The following ASIC2 variants were observed in gnomAD, a reference collection of about 807,000 sequenced individuals.
The protein encoded by ASIC2 is acid sensing ion channel subunit 2.
A neutral mutation model predicts 57.3 loss-of-function variants in ASIC2; 25 were observed. The ratio of observed to expected loss-of-function variants is 0.44; its 90% CI spans 0.32 to 0.61. The LOEUF (loss-of-function observed/expected upper bound fraction) is 0.61, where lower values mean the gene tolerates loss of function less well. Among genes scored for constraint, ASIC2 ranks in the 20% least tolerant of loss-of-function variants. The probability of loss-of-function intolerance (pLI) is 0.06; values close to 1 mark genes in which losing one functional copy is unlikely to be tolerated. For missense variants in ASIC2, 641 were observed against 738.1 expected, an observed-to-expected ratio of 0.87 and a Z score of 1.52; for synonymous variants, 319 against 307.5, an observed-to-expected ratio of 1.04 and a Z score of -0.39.
At chr17:33,443,708 G>A (rs1023417412) in intron 1 of ASIC2, among the ~76,000 whole-genome samples, 2 of 151,686 alleles carry the variant, frequency 1.3e-5, no homozygotes, top group African/African-American at 4.8e-5. Flanking sequence ...GAGCCACCGC[G>A]CCCGGCCGGA....
At chr17:33,731,768 A>G (rs1909749548) in intron 1 of ASIC2, among the ~76,000 whole-genome samples, 1 of 152,218 alleles carries the variant, frequency 6.6e-6, no homozygotes, top group Non-Finnish European at 1.5e-5. Flanking sequence ...GGAATCCTGG[A>G]TAGCTGGATG....
Position 33,292,726 on chromosome 17 carries a change from CG to C in ASIC2, c.-612del. ...GCTGGGCGGGCGGGGTGGGTGTGTA[CG>C]GGGGTGAGTGGTCGCCTTGCCGGCT... On this transcript the variant is annotated 5_prime_UTR_variant, in exon 1 of 10. Transcript: ENST00000225823. 1 of 985,898 alleles carries C rather than the reference CG, an allele frequency of 1.0e-6. No homozygotes were observed. Among genetic ancestry groups the C allele is most frequent in the Non-Finnish European group, 1.2e-6 (1 of 830,444 alleles). 61.1% of individuals were successfully genotyped at this position (985,898 alleles called of 1,614,324 possible).
At chr17:33,548,268 C>T (rs915219517) in intron 1 of ASIC2, among the ~76,000 whole-genome samples, 22 of 152,142 alleles carry the variant, frequency 1.4e-4, no homozygotes, top group Non-Finnish European at 2.9e-5. Context: ...TGGAATACTT[C>T]ACAGGAAGAC....
intron 1 of ASIC2, among the ~76,000 whole-genome samples, chr17:33,344,517 G>A (rs1431658804): frequency 1.3e-5 from 2 of 152,138 alleles, no homozygotes; most frequent in Non-Finnish European, 2.9e-5. Context: ...TCCTGACCTG[G>A]CCACTTACCA....
intron 1 of ASIC2, among the ~76,000 whole-genome samples, chr17:33,622,618 C>G (rs1389174915): frequency 2.0e-5 from 3 of 152,108 alleles, no homozygotes; most frequent in African/African-American, 7.2e-5. Flanking sequence ...TTTCTCATAT[C>G]TAGGTACATT....
chr17:33,944,095 G>A (rs1039464952), intron 1 of ASIC2, among the ~76,000 whole-genome samples: 2 of 152,094 alleles, frequency 1.3e-5, no homozygotes, highest in Non-Finnish European at 2.9e-5. Context: ...GATCACTCAG[G>A]TGGTATCACA....
intron 1 of ASIC2, among the ~76,000 whole-genome samples, chr17:33,816,964 C>T (rs924585623): frequency 2.0e-5 from 3 of 152,220 alleles, no homozygotes; most frequent in African/African-American, 4.8e-5. Flanking sequence ...CAGGGTCTGC[C>T]GCCTGCCTGC....
chr17:33,521,953 G>A (rs1377173481), intron 1 of ASIC2, among the ~76,000 whole-genome samples: 1 of 152,204 alleles, frequency 6.6e-6, no homozygotes, highest in Admixed American at 6.5e-5. Context: ...TGGCAACTGC[G>A]GGCAGTGTGG....
intron 1 of ASIC2, among the ~76,000 whole-genome samples, chr17:33,957,791 T>G (rs1904783668): frequency 6.6e-6 from 1 of 152,066 alleles, no homozygotes; most frequent in African/African-American, 2.4e-5. Context: ...AATCATGCCT[T>G]CCCAACAGTC....
At chr17:33,264,897 G>A (rs1291632512) in intron 1 of ASIC2, among the ~76,000 whole-genome samples, 1 of 152,232 alleles carries the variant, frequency 6.6e-6, no homozygotes, top group Non-Finnish European at 1.5e-5. Flanking sequence ...TGTGTTGGGG[G>A]AAAACAAATA....
rs193168323 is a variant in ASIC2 at position 33,695,159 on chromosome 17, A to G, written c.555+460819T>C. Among the ~76,000 whole-genome samples, 273 of 152,360 alleles carry G rather than the reference A, an allele frequency of 1.8e-3. 3 individuals are homozygous for G. The highest frequency in any genetic ancestry group is 6.3e-3 in the African/African-American group (263 of 41,582). On this transcript the variant is annotated intron_variant, in intron 1 of 9. Coordinates refer to the ASIC2 transcript ENST00000359872. Reference sequence around the variant, plus strand: ...TAAACACTGACTTGGTTTAATAAAAAATTGAAATCAAATGATATTGGGAGA... The same window carrying G: ...TAAACACTGACTTGGTTTAATAAAAGATTGAAATCAAATGATATTGGGAGA...
At chr17:33,642,945 T>C (rs1394811685) in intron 1 of ASIC2, among the ~76,000 whole-genome samples, 1 of 152,132 alleles carries the variant, frequency 6.6e-6, no homozygotes, top group Admixed American at 6.5e-5. Context: ...GTACTGCCTG[T>C]GGCTAAGCAC....
chr17:34,119,361 C>T (rs1180767619), intron 1 of ASIC2, among the ~76,000 whole-genome samples: 2 of 152,180 alleles, frequency 1.3e-5, no homozygotes, highest in Non-Finnish European at 2.9e-5. Context: ...TCAAGTGAGA[C>T]AGCATAAATA....
Position 33,884,509 on chromosome 17 carries a change from G to A in ASIC2, c.555+271469C>T, listed in dbSNP as rs115992158. Among the ~76,000 whole-genome samples, 1,041 of 152,158 alleles carry A rather than the reference G, an allele frequency of 6.8e-3. 15 individuals carry two copies. Among genetic ancestry groups the A allele is most frequent in the African/African-American group, 0.024 (995 of 41,486 alleles). ...ATTCAGACTCTGAACTTTAGTGGCAGCTAAGATGTCTTCCTCACAACATGC... is the reference window on the plus strand; with the variant it reads ...ATTCAGACTCTGAACTTTAGTGGCAACTAAGATGTCTTCCTCACAACATGC... On this transcript the variant is annotated intron_variant, in intron 1 of 9. Coordinates refer to the ASIC2 transcript ENST00000359872.
At chr17:33,574,846 TTTCTA>T (rs1916565129) in intron 1 of ASIC2, among the ~76,000 whole-genome samples, 12 of 114,920 alleles carry the variant, frequency 1.0e-4, no homozygotes, top group Admixed American at 1.0e-3. Context: ...GTGGTCTCTG[TTTCTA>T]TTTTTTTTTT....
chr17:33,546,460 G>T (rs753247773), intron 1 of ASIC2, among the ~76,000 whole-genome samples: 14 of 152,222 alleles, frequency 9.2e-5, no homozygotes, highest in Non-Finnish European at 1.8e-4. Context: ...GGAGGCACCC[G>T]AGTATGATGA....
At chr17:33,427,711 C>A (rs1011867154) in intron 1 of ASIC2, among the ~76,000 whole-genome samples, 5 of 152,208 alleles carry the variant, frequency 3.3e-5, no homozygotes, top group Admixed American at 6.5e-5. Context: ...TGATTCTCAA[C>A]CCTGGCTGTA....
chr17:33,452,566 C>T (rs1276053509), intron 1 of ASIC2, among the ~76,000 whole-genome samples: 1 of 152,156 alleles, frequency 6.6e-6, no homozygotes. Flanking sequence ...TTCTCATGTG[C>T]TTCCTGGGCC....
intron 1 of ASIC2, among the ~76,000 whole-genome samples, chr17:33,247,100 G>A (rs892841465): frequency 6.6e-6 from 1 of 152,172 alleles, no homozygotes; most frequent in Admixed American, 6.5e-5. Flanking sequence ...TTCATTGTTC[G>A]ATAGAGCGTT....
Sources: gnomAD v4.1 joint callset for allele counts (sites outside exome capture counted in the v4.1 genomes callset) on GRCh38, gnomAD v4.1.1 for gene constraint, MANE v1.5 for transcripts, NCBI Gene and HGNC (gene_info 2026-07-23, HGNC 2026-07-21) for gene names.